The following HPRT1 variants were observed in gnomAD, a reference collection of about 807,000 sequenced individuals.
HPRT1 encodes hypoxanthine phosphoribosyltransferase 1, also known as hypoxanthine-guanine phosphoribosyltransferase.
In HPRT1, 4 loss-of-function variants were observed where a neutral mutation model predicts 19.0. The ratio of observed to expected loss-of-function variants is 0.21; its 90% CI spans 0.10 to 0.48. HPRT1 has a LOEUF of 0.48. Among genes scored for constraint, HPRT1 ranks in the 20% least tolerant of loss-of-function variants. HPRT1 has a pLI of 0.98. For missense variants in HPRT1, 65 were observed against 164.0 expected (o/e 0.40, Z 3.30); for synonymous variants, 53 against 54.9 (o/e 0.97, Z 0.15).
chrX:134,478,971 A>G (rs2077632400), intron 3 of HPRT1, among the ~76,000 whole-genome samples: 1 of 112,396 alleles, frequency 8.9e-6, no homozygotes, highest in Admixed American at 9.5e-5. Context: ...TATTAATAAA[A>G]TGTGAATGTG....
chrX:134,469,402 T>A (rs1465614720), intron 1 of HPRT1, among the ~76,000 whole-genome samples: 4 of 111,230 alleles, frequency 3.6e-5, no homozygotes, highest in Non-Finnish European at 5.6e-5. Flanking sequence ...CTTCTTGACA[T>A]AAGTATGGTA....
At chrX:134,484,423 A>G (rs917161329) in intron 3 of HPRT1, among the ~76,000 whole-genome samples, 2 of 112,161 alleles carry the variant, frequency 1.8e-5, no homozygotes, top group Non-Finnish European at 3.8e-5. Context: ...GAGAAGTAAT[A>G]TGCAAAGGTT....
chrX:134,473,546 A>C (rs955544279), intron 2 of HPRT1, 81 bp downstream of exon 2: 1 of 595,277 alleles, frequency 1.7e-6, no homozygotes, highest in African/African-American at 2.2e-5. Flanking sequence ...AGTACTTGCT[A>C]TTTGAACATA....
At chrX:134,474,420 C>CTTTTT (rs5903877) in intron 2 of HPRT1, among the ~76,000 whole-genome samples, 1 of 94,724 alleles carries the variant, frequency 1.1e-5, no homozygotes. Context: ...CAATTTGTCT[C>CTTTTT]TTTTTTTTTT....
chrX:134,461,657 A>C (rs2077584533), intron 1 of HPRT1, among the ~76,000 whole-genome samples: 1 of 112,021 alleles, frequency 8.9e-6, no homozygotes, highest in African/African-American at 3.2e-5. Context: ...AACAGTAATA[A>C]TAGCCATCAT....
At chrX:134,496,151 A>C (rs913113310) in intron 6 of HPRT1, among the ~76,000 whole-genome samples, 3 of 111,825 alleles carry the variant, frequency 2.7e-5, no homozygotes, top group African/African-American at 9.8e-5. Flanking sequence ...ATTTTGAGGA[A>C]TTGCCCGACT....
Position 134,481,510 on chromosome X carries a change from T to C in HPRT1, c.319-4955T>C, listed in dbSNP as rs1211520379. ...CTCTATCTCTATCTGTCTATCTCTA[T>C]CTATCTATCTATCTATCTATCTATC... On this transcript the variant is annotated intron_variant, in intron 3 of 8. Transcript: ENST00000298556. Among the ~76,000 whole-genome samples the C allele has an allele frequency of 3.4e-4, 13 of 38,276 alleles. 1 individual carries two copies. Among genetic ancestry groups the C allele is most frequent in the African/African-American group, 1.1e-3 (12 of 11,175 alleles). 33.2% of individuals were successfully genotyped at this position (38,276 alleles called of 115,157 possible).
In HPRT1 at chrX:134,475,365, G is replaced by GT. The variant is rs1483219467; in HGVS notation, c.318+2dup. 1 of 1,105,186 alleles carries GT rather than the reference G, an allele frequency of 9.0e-7. No homozygotes were observed. The highest frequency in any genetic ancestry group is 2.2e-5 in the Admixed American group (1 of 45,549). The allele number at this position is 1,105,186 out of a possible 1,213,427, so 91.1% of individuals were successfully genotyped here. ...TTTTATCAGACTGAAGAGCTATTGT[G>GT]TGAGTATATTTAATATATGATTCTT... On this transcript the variant is annotated splice_donor_variant, in intron 3 of 8. Transcript: ENST00000298556. LOFTEE classifies it high-confidence loss of function.
intron 3 of HPRT1, among the ~76,000 whole-genome samples, chrX:134,485,838 T>A (rs2077651425): frequency 8.9e-6 from 1 of 111,969 alleles, no homozygotes; most frequent in Non-Finnish European, 1.9e-5. Flanking sequence ...CCAACTACAG[T>A]GGGTGTTGAG....
intron 3 of HPRT1, among the ~76,000 whole-genome samples, chrX:134,481,529 ATCT>A (rs2077640477): frequency 1.8e-5 from 2 of 108,465 alleles, no homozygotes; most frequent in Non-Finnish European, 3.8e-5. Flanking sequence ...CTATCTATCT[ATCT>A]ATCTATCTAT....
intron 3 of HPRT1, among the ~76,000 whole-genome samples, chrX:134,477,285 C>A (rs949802226): frequency 7.4e-5 from 8 of 107,951 alleles, no homozygotes; most frequent in Admixed American, 5.1e-4. Flanking sequence ...GGTCTCGAAC[C>A]CCTGACCTCA....
At chrX:134,488,043 A>G (rs1201167049) in intron 4 of HPRT1, among the ~76,000 whole-genome samples, 1 of 110,920 alleles carries the variant, frequency 9.0e-6, no homozygotes, top group Non-Finnish European at 1.9e-5. Context: ...AGTAAAGTAC[A>G]TTTATTATGG....
chrX:134,494,657 A>C, intron 6 of HPRT1, among the ~76,000 whole-genome samples: 1 of 112,400 alleles, frequency 8.9e-6, no homozygotes, highest in South Asian at 3.7e-4. Flanking sequence ...CAAAAACTGC[A>C]ATCACTTTTG....
chrX:134,492,074 T>C (rs2077669064), intron 5 of HPRT1, among the ~76,000 whole-genome samples: 1 of 101,292 alleles, frequency 9.9e-6, no homozygotes, highest in Non-Finnish European at 2.0e-5. Context: ...GTTTTTTTTT[T>C]TTTTAAGTAG....
intron 1 of HPRT1, among the ~76,000 whole-genome samples, chrX:134,462,064 G>A (rs2077585600): frequency 9.0e-6 from 1 of 111,590 alleles, no homozygotes; most frequent in South Asian, 3.7e-4. Flanking sequence ...TCGACTTCCC[G>A]GGCTCGGGTG....
At chrX:134,488,741 G>A (rs1569357910) in intron 4 of HPRT1, among the ~76,000 whole-genome samples, 1 of 111,126 alleles carries the variant, frequency 9.0e-6, no homozygotes, top group Non-Finnish European at 1.9e-5. Flanking sequence ...TTGAACAATT[G>A]CATGGCTTTT....
intron 1 of HPRT1, among the ~76,000 whole-genome samples, chrX:134,471,972 G>A: frequency 9.1e-6 from 1 of 110,143 alleles, no homozygotes; most frequent in Non-Finnish European, 1.9e-5. Context: ...TGTTTGTTTT[G>A]TTTTGTTTTG....
At chrX:134,490,268 TA>T in intron 5 of HPRT1, 63 bp downstream of exon 5, 1 of 637,870 alleles carries the variant, frequency 1.6e-6, no homozygotes, top group Non-Finnish European at 2.5e-6. Flanking sequence ...TGCACCATCC[TA>T]AAGGTAAGCC....
rs146868591 is a variant in HPRT1, at chrX:134,462,017, A to T, written c.27+1679A>T. Among the ~76,000 whole-genome samples, 1,042 of 110,857 alleles carry T rather than the reference A, an allele frequency of 9.4e-3. 10 individuals carry two copies. Among genetic ancestry groups the T allele is most frequent in the African/African-American group, 0.032 (981 of 30,472 alleles). ...ACAGGGTCTCACTCTGTCACCTAGG[A>T]TGGAGTGCAGTGGCACAATCACTGC... On this transcript the variant is annotated intron_variant, in intron 1 of 8. Coordinates refer to ENST00000298556, the MANE Select transcript of HPRT1 (RefSeq NM_000194.3).
Sources: allele counts gnomAD v4.1 joint callset (sites outside exome capture counted in the v4.1 genomes callset), GRCh38; gene constraint gnomAD v4.1.1; transcripts MANE v1.5; gene names NCBI Gene and HGNC (gene_info 2026-07-23, HGNC 2026-07-21).